Variants in PACRG observed in about 807,000 individuals in gnomAD.
PACRG encodes parkin coregulated gene protein.
In PACRG, 29 loss-of-function variants were observed where a neutral mutation model predicts 29.7. The observed-to-expected ratio is 0.98, with a 90% CI of 0.73 to 1.33. PACRG has a LOEUF of 1.33. Among genes scored for constraint, PACRG ranks in the 40% most tolerant of loss-of-function variants. The pLI is 0.00. For synonymous variants in PACRG, 116 were observed against 118.7 expected, an observed-to-expected ratio of 0.98 and a Z score of 0.15; for missense variants, 279 against 316.2, an observed-to-expected ratio of 0.88 and a Z score of 0.89.
Position 162,881,961 on chromosome 6 carries a change from TG to T in PACRG, c.291+67689del, listed in dbSNP as rs57044539. Among the ~76,000 whole-genome samples the T allele has an allele frequency of 6.0e-4, 36 of 59,984 alleles. 3 individuals carry two copies. The highest frequency in any genetic ancestry group is 1.6e-3 in the African/African-American group (22 of 14,066). 39.4% of individuals were successfully genotyped at this position (59,984 alleles called of 152,430 possible). A position where few individuals can be genotyped will look rare whatever the true frequency, so the allele number is the denominator to read the frequency against. On this transcript the variant is annotated intron_variant, in intron 2 of 4. Coordinates refer to ENST00000366888, the MANE Select transcript of PACRG (RefSeq NM_001080379.2). ...CCTCTCCACCAAGACCAGAGATGGG[TG>T]GGGGGGGGCACTCTTCCACTAAGGA...
chr6:163,061,820 G>A (rs1165071539), intron 2 of PACRG, among the ~76,000 whole-genome samples: 3 of 152,048 alleles, frequency 2.0e-5, no homozygotes, highest in African/African-American at 7.2e-5. Flanking sequence ...ACATTCTAGA[G>A]GCTTCTTGAA....
intron 4 of PACRG, among the ~76,000 whole-genome samples, chr6:163,141,699 G>A (rs1414330092): frequency 6.6e-6 from 1 of 151,542 alleles, no homozygotes; most frequent in Non-Finnish European, 1.5e-5. Context: ...GAAAAGAGGG[G>A]CATCGTAGGA....
At chr6:163,104,392 C>T (rs1429773506) in intron 4 of PACRG, among the ~76,000 whole-genome samples, 1 of 152,104 alleles carries the variant, frequency 6.6e-6, no homozygotes, top group Non-Finnish European at 1.5e-5. Flanking sequence ...TAGCTGTCTT[C>T]GTCCATTTTT....
At chr6:163,218,996 G>A (rs1236270327) in intron 4 of PACRG, among the ~76,000 whole-genome samples, 1 of 152,206 alleles carries the variant, frequency 6.6e-6, no homozygotes, top group Non-Finnish European at 1.5e-5. Context: ...CGCATAGAAG[G>A]TCCACAGTGC....
chr6:163,229,799 C>T (rs1411634091), intron 4 of PACRG, among the ~76,000 whole-genome samples: 2 of 152,224 alleles, frequency 1.3e-5, no homozygotes, highest in East Asian at 3.9e-4. Flanking sequence ...TCATGAGGAC[C>T]AACAGGCTCC....
chr6:162,832,251 A>G (rs1216791058), intron 2 of PACRG, among the ~76,000 whole-genome samples: 1 of 152,162 alleles, frequency 6.6e-6, no homozygotes, highest in Non-Finnish European at 1.5e-5. Context: ...CATTTCTCTA[A>G]TGATCGTGAT....
rs542814717 is a variant in PACRG, at chr6:163,273,052, C to T, written c.614-41775C>T. Among the ~76,000 whole-genome samples the T allele has an allele frequency of 1.2e-3, 183 of 148,792 alleles. 5 individuals carry two copies. In the South Asian group the frequency reaches 0.012, roughly 10 times the overall value. ...GACTACAGGCGCCCGCCACTACGCC[C>T]GGCTAATTTTTTGTATTTTTTTAGT... On this transcript the variant is annotated intron_variant, in intron 4 of 4. Coordinates refer to ENST00000366888, the MANE Select transcript of PACRG (RefSeq NM_001080379.2).
At chr6:163,057,878 C>A (rs1270187103) in intron 2 of PACRG, among the ~76,000 whole-genome samples, 3 of 152,192 alleles carry the variant, frequency 2.0e-5, no homozygotes, top group Admixed American at 1.3e-4. Flanking sequence ...AGGTACTAGG[C>A]CAGTCTTTCC....
chr6:162,846,987 T>C lies in PACRG; in HGVS notation c.291+32706T>C, dbSNP rs545874971. On this transcript the variant is annotated intron_variant, in intron 2 of 4. Transcript: ENST00000366888. Reference sequence around the variant, plus strand: ...ATGCTGACTGCCATGCTCCCCACACTGCCCACTGTGCTCCCCACACTGTGA... The same window carrying C: ...ATGCTGACTGCCATGCTCCCCACACCGCCCACTGTGCTCCCCACACTGTGA... Among the ~76,000 whole-genome samples the C allele has an allele frequency of 3.6e-3, 534 of 149,212 alleles. 3 individuals are homozygous for C. The highest frequency in any genetic ancestry group is 0.012 in the African/African-American group (498 of 40,026).
intron 2 of PACRG, among the ~76,000 whole-genome samples, chr6:162,904,769 T>C (rs1795811565): frequency 3.9e-5 from 6 of 152,278 alleles, no homozygotes. Flanking sequence ...TTTAGTGGAA[T>C]AAGCAACATT....
At position 163,063,078 on chromosome 6, in the gene PACRG, G is replaced by A. The variant is rs73591765; in HGVS notation, c.463+757G>A. On this transcript the variant is annotated intron_variant, in intron 3 of 4. Coordinates refer to ENST00000366888, the MANE Select transcript of PACRG (RefSeq NM_001080379.2). ...GCCTCTCCTCAAGTCAAGGTGGCAG[G>A]GCTGGCCCCTCTCACCCTCACCAGC... 3.6e-3 allele frequency among the ~76,000 whole-genome samples: 549 copies of A among 152,202 alleles called. 7 individuals are homozygous for A. Among genetic ancestry groups the A allele is most frequent in the African/African-American group, 0.013 (531 of 41,530 alleles).
intron 4 of PACRG, among the ~76,000 whole-genome samples, chr6:163,212,550 G>A (rs1284738627): frequency 2.0e-5 from 3 of 152,094 alleles, no homozygotes; most frequent in Non-Finnish European, 2.9e-5. Flanking sequence ...GCTCAAAAGG[G>A]TTGCCCAATT....
chr6:162,791,315 T>G (rs182787894), intron 1 of PACRG, among the ~76,000 whole-genome samples: 1,651 of 150,968 alleles, frequency 0.011, 30 homozygotes, highest in African/African-American at 0.01. Flanking sequence ...TTGTTTGTTT[T>G]TTTTTTTTTT....
Position 162,728,397 on chromosome 6 carries a change from T to G in PACRG, c.156+6T>G. ...CCATGATGAAAAACTCAGTCGTAAG[T>G]GATCTTCCTGAATTAAATGCACTCG... On this transcript the variant is annotated splice_donor_region_variant and intron_variant, in intron 1 of 4. Coordinates refer to ENST00000366888, the MANE Select transcript of PACRG (RefSeq NM_001080379.2). 1 of 1,609,996 alleles carries G rather than the reference T, an allele frequency of 6.2e-7. No individual in the cohort carries two copies. The highest frequency in any genetic ancestry group is 2.2e-5 in the East Asian group (1 of 44,850).
chr6:163,177,581 G>A lies in PACRG; in HGVS notation c.613+88173G>A, dbSNP rs539764451. Among the ~76,000 whole-genome samples the A allele has an allele frequency of 1.9e-4, 29 of 152,168 alleles. No homozygotes were observed. In the South Asian group the frequency reaches 6.0e-3, roughly 32 times the overall value. ...CTCCACAAGTTACAGGAGGCTGCGG[G>A]GACAGAAGCCAGGCAACAGGGCCAA... On this transcript the variant is annotated intron_variant, in intron 4 of 4. Coordinates refer to ENST00000366888, the MANE Select transcript of PACRG (RefSeq NM_001080379.2).
At chr6:163,013,647 G>T (rs181389045) in intron 2 of PACRG, among the ~76,000 whole-genome samples, 4 of 152,102 alleles carry the variant, frequency 2.6e-5, no homozygotes, top group Admixed American at 6.5e-5. Flanking sequence ...AAAGAAACTC[G>T]TGGGTGTGGA....
intron 2 of PACRG, among the ~76,000 whole-genome samples, chr6:162,854,948 C>A (rs1235682284): frequency 1.3e-5 from 2 of 152,238 alleles, no homozygotes; most frequent in Non-Finnish European, 2.9e-5. Context: ...CGTATCCTTG[C>A]GCTCTTCCTA....
chr6:163,169,445 A>C (rs1312570673), intron 4 of PACRG, among the ~76,000 whole-genome samples: 1 of 152,226 alleles, frequency 6.6e-6, no homozygotes, highest in East Asian at 1.9e-4. Context: ...CGAAAGAACA[A>C]AGATACCACT....
intron 1 of PACRG, among the ~76,000 whole-genome samples, chr6:162,780,473 T>A (rs1401017843): frequency 6.6e-6 from 1 of 152,166 alleles, no homozygotes; most frequent in African/African-American, 2.4e-5. Context: ...TATACTAAAA[T>A]TCTTAGCCTG....
Sources: allele counts gnomAD v4.1 joint callset (sites outside exome capture counted in the v4.1 genomes callset), GRCh38; gene constraint gnomAD v4.1.1; transcripts MANE v1.5; gene names NCBI Gene and HGNC (gene_info 2026-07-23, HGNC 2026-07-21).